TRIO: variants seen among roughly 807,000 people sequenced by gnomAD.
TRIO encodes triple functional domain protein.
TRIO carries 58 observed loss-of-function variants against 351.9 expected under a neutral mutation model. That is an observed-to-expected ratio of 0.16 (90% confidence interval 0.13 to 0.21). The LOEUF is 0.21. Ranked by LOEUF, TRIO falls within the 10% of genes least tolerant of loss-of-function variation. TRIO has a pLI of 1.00. For synonymous variants in TRIO, 1,758 were observed against 1,595.7 expected, an observed-to-expected ratio of 1.10 and a Z score of -2.42; for missense variants, 3,201 against 4,027.8, an observed-to-expected ratio of 0.79 and a Z score of 5.56.
intron 11 of TRIO, among the ~76,000 whole-genome samples, chr5:14,348,262 A>G (rs1211505241): frequency 6.6e-6 from 1 of 152,248 alleles, no homozygotes; most frequent in Admixed American, 6.5e-5. Flanking sequence ...TCTGGTAAGA[A>G]CATGCCCTGG....
At chr5:14,484,058 A>G (rs569547431) in intron 46 of TRIO, among the ~76,000 whole-genome samples, 1 of 151,020 alleles carries the variant, frequency 6.6e-6, no homozygotes, top group Non-Finnish European at 1.5e-5. Flanking sequence ...CACTGCACCT[A>G]TCCCCTGAGA....
chr5:14,337,917 T>G (rs897902779), intron 11 of TRIO, among the ~76,000 whole-genome samples: 1 of 152,216 alleles, frequency 6.6e-6, no homozygotes, highest in African/African-American at 2.4e-5. Flanking sequence ...GGGCTGGTGC[T>G]TCTTGGTCCC....
rs1757335027 is a variant in TRIO at position 14,502,106 on chromosome 5, T to C, written c.8333-473T>C. ...GACGTTAAGTAAATACTGTGGACTC[T>C]TGATCTCTCACGGCTGTGAAAGGAG... On this transcript the variant is annotated intron_variant, in intron 53 of 56. Transcript: ENST00000344204. Among the ~76,000 whole-genome samples the C allele has an allele frequency of 2.0e-5, 3 of 152,308 alleles. No homozygotes were observed. The South Asian group carries it at 6.2e-4, about 32-fold the overall frequency.
chr5:14,446,818 C>T (rs1298509885), intron 34 of TRIO, among the ~76,000 whole-genome samples: 1 of 152,094 alleles, frequency 6.6e-6, no homozygotes, highest in Non-Finnish European at 1.5e-5. Flanking sequence ...TAGATATTTG[C>T]TTTGTGGTTT....
At chr5:14,411,023 C>T (rs1376355986) in intron 33 of TRIO, among the ~76,000 whole-genome samples, 4 of 152,192 alleles carry the variant, frequency 2.6e-5, no homozygotes, top group Non-Finnish European at 5.9e-5. Flanking sequence ...CAAGCGCTTT[C>T]CAGATTCTTA....
chr5:14,500,830 A>T (rs374542246), intron 53 of TRIO, among the ~76,000 whole-genome samples: 3 of 144,916 alleles, frequency 2.1e-5, no homozygotes, highest in Non-Finnish European at 4.5e-5. Context: ...TTGAAATTGC[A>T]GTGAGTCGAG....
At chr5:14,177,112 AT>A (rs1240077671) in intron 1 of TRIO, among the ~76,000 whole-genome samples, 1 of 152,132 alleles carries the variant, frequency 6.6e-6, no homozygotes, top group East Asian at 1.9e-4. Context: ...CAGGGCACTC[AT>A]GGGTTGACAG....
At chr5:14,439,938 A>G (rs1751891348) in intron 34 of TRIO, among the ~76,000 whole-genome samples, 1 of 152,238 alleles carries the variant, frequency 6.6e-6, no homozygotes, top group African/African-American at 2.4e-5. Flanking sequence ...AAACTCAGAA[A>G]GAAACTAGAA....
rs544836641 is a variant in TRIO, at chr5:14,359,531, C to T, written c.2391C>T (p.Asp797=). 23 of 1,612,868 alleles carry T rather than the reference C, an allele frequency of 1.4e-5. No homozygotes were observed. The East Asian group carries it at 1.8e-4, about 13-fold the overall frequency. ...GCATCTTCGAGAGGGACGCCATCGACGTGAGTGTCCCGCGGCTGGCGCCTG... is the reference window on the plus strand; with the variant it reads ...GCATCTTCGAGAGGGACGCCATCGATGTGAGTGTCCCGCGGCTGGCGCCTG... ...QLRIFERDAI[D]IISDLESWND... Residue 797 remains aspartate, a splice_region_variant and synonymous_variant, in exon 13 of 57, where the codon GAC becomes GAT. Transcript: ENST00000344204.
intron 3 of TRIO, among the ~76,000 whole-genome samples, chr5:14,282,596 G>T (rs1449514136): frequency 1.3e-5 from 2 of 151,472 alleles, no homozygotes; most frequent in Non-Finnish European, 1.5e-5. Flanking sequence ...GTGGGAAATT[G>T]TGAGAATACA....
intron 1 of TRIO, among the ~76,000 whole-genome samples, chr5:14,208,686 C>CTG (rs1337002618): frequency 1.3e-5 from 2 of 152,238 alleles, no homozygotes; most frequent in Non-Finnish European, 2.9e-5. Flanking sequence ...TAACAAATAG[C>CTG]TGACTCTCAG....
At chr5:14,498,456 C>T in intron 52 of TRIO, 63 bp from the exon 53 acceptor site, 1 of 1,572,450 alleles carries the variant, frequency 6.4e-7, no homozygotes, top group South Asian at 1.1e-5. Flanking sequence ...AAGGAGGAGG[C>T]CAGCGCTGAT....
rs567400376 is a variant in TRIO, at chr5:14,168,616, T to G, written c.157+24734T>G. Among the ~76,000 whole-genome samples the G allele has an allele frequency of 2.0e-5, 3 of 152,356 alleles. No individual in the cohort carries two copies. The East Asian group carries it at 5.8e-4, about 29-fold the overall frequency. On this transcript the variant is annotated intron_variant, in intron 1 of 56. Transcript: ENST00000344204. The stretch of plus-strand genomic sequence containing the variant: ...TAGTGCTGTGTTTGTGGTGCATGTC[T>G]TCTTCCTGTTTCTTCTGATTCTGAG...
chr5:14,288,070 C>T (rs1736593960), intron 4 of TRIO, among the ~76,000 whole-genome samples: 1 of 152,198 alleles, frequency 6.6e-6, no homozygotes, highest in Admixed American at 6.5e-5. Flanking sequence ...CTCAGGTTTA[C>T]TACACTCCAT....
Position 14,497,132 on chromosome 5 carries a change from A to G in TRIO, c.8019+115A>G. The G allele has an allele frequency of 2.8e-6, 4 of 1,444,176 alleles. No homozygotes were observed. The highest frequency in any genetic ancestry group is 3.7e-6 in the Non-Finnish European group (4 of 1,078,926). 89.5% of individuals were successfully genotyped at this position (1,444,176 alleles called of 1,614,324 possible). ...CTTGCTTATGACCTCCCTCCCACCCACCAGCCCCGTGCCCTGCGTGTCCTG... is the reference window on the plus strand; with the variant it reads ...CTTGCTTATGACCTCCCTCCCACCCGCCAGCCCCGTGCCCTGCGTGTCCTG... On this transcript the variant is annotated intron_variant, in intron 50 of 56. Coordinates refer to ENST00000344204, the MANE Select transcript of TRIO (RefSeq NM_007118.4). The surrounding 1 kb of genome is among the most constrained non-coding windows in gnomAD (Gnocchi z 4.4).
In TRIO at chr5:14,478,681, G is replaced by C. The variant is rs374050198; in HGVS notation, c.6154-580G>C. On this transcript the variant is annotated intron_variant, in intron 41 of 56. Transcript: ENST00000344204. ...TAAGAAGGGTGTTGCGGCCAGGTGT[G>C]GTGGCTCATGCCTGTAATCCCAACA... Among the ~76,000 whole-genome samples, 31 of 151,978 alleles carry C rather than the reference G, an allele frequency of 2.0e-4. No homozygotes were observed. The East Asian group carries it at 5.4e-3, about 27-fold the overall frequency.
chr5:14,507,952 C>G lies in TRIO; in HGVS notation c.8824C>G (p.Gln2942Glu), dbSNP rs377248579. 1.5e-4 allele frequency: 242 copies of G among 1,614,066 alleles called. No individual in the cohort carries two copies. The highest frequency in any genetic ancestry group is 1.9e-4 in the Non-Finnish European group (227 of 1,180,050). The change falls in exon 57 of 57, where the codon CAG becomes GAG. Residue 2942 changes from glutamine to glutamate, a missense_variant. By Grantham distance (29) the Gln-to-Glu change is conservative. Around this residue, in one of 19 missense-constraint regions of TRIO, gnomAD observed 233 missense variants for 292.6 expected, o/e 0.80. Coordinates refer to ENST00000344204, the MANE Select transcript of TRIO (RefSeq NM_007118.4). The part of the protein sequence containing the change: ...IKLADFGDAV[Q>E]LNTTYYIHQL... ...ACTGGCTGACTTTGGAGATGCTGTT[C>G]AGCTCAACACGACCTACTACATCCA...
At chr5:14,300,617 C>G (rs868001673) in intron 7 of TRIO, among the ~76,000 whole-genome samples, 43 of 152,124 alleles carry the variant, frequency 2.8e-4, no homozygotes, top group African/African-American at 9.9e-4. Context: ...TTGTATAGTT[C>G]TTTAATATTT....
At chr5:14,314,254 T>C (rs1402914690) in intron 8 of TRIO, among the ~76,000 whole-genome samples, 1 of 152,216 alleles carries the variant, frequency 6.6e-6, no homozygotes, top group East Asian at 1.9e-4. Flanking sequence ...ATAATTTATA[T>C]GTGTACATAA....
Sources: gnomAD v4.1 joint callset for allele counts (sites outside exome capture counted in the v4.1 genomes callset) on GRCh38, gnomAD v4.1.1 for gene constraint, gnomAD v4.1.1 regional missense constraint, Gnocchi (gnomAD v3.1) non-coding constraint, MANE v1.5 for transcripts, NCBI Gene and HGNC (gene_info 2026-07-23, HGNC 2026-07-21) for gene names.